The following PALD1 variants were observed in gnomAD, a reference collection of about 807,000 sequenced individuals.
PALD1 encodes the protein paladin.
A neutral mutation model predicts 96.0 loss-of-function variants in PALD1; 57 were observed. The observed-to-expected ratio is 0.59, with a 90% CI of 0.48 to 0.74. The LOEUF is 0.74. Among genes scored for constraint, PALD1 ranks in the 30% least tolerant of loss-of-function variants. The pLI is 0.00. For missense variants in PALD1, 1,063 were observed against 1,143.7 expected, an observed-to-expected ratio of 0.93 and a Z score of 1.02; for synonymous variants, 464 against 473.6, an observed-to-expected ratio of 0.98 and a Z score of 0.26.
At chr10:70,496,358 G>T (rs1846194941) in intron 1 of PALD1, among the ~76,000 whole-genome samples, 1 of 152,184 alleles carries the variant, frequency 6.6e-6, no homozygotes, top group South Asian at 2.1e-4. Context: ...TCCCTACCCA[G>T]ATCAAGGTGT....
At chr10:70,526,226 C>T (rs1239777368) in intron 2 of PALD1, 90 bp downstream of exon 2, 31 of 1,035,236 alleles carry the variant, frequency 3.0e-5, no homozygotes, top group East Asian at 1.4e-4. Flanking sequence ...CAGCACTTAA[C>T]GCTTGCAGAC....
chr10:70,483,223 G>C (rs1051598963), intron 1 of PALD1, among the ~76,000 whole-genome samples: 1 of 152,074 alleles, frequency 6.6e-6, no homozygotes, highest in Non-Finnish European at 1.5e-5. Context: ...GGAGGGCAAG[G>C]CTTCCCCAGC....
chr10:70,481,948 C>T (rs1845939674), intron 1 of PALD1, among the ~76,000 whole-genome samples: 1 of 152,162 alleles, frequency 6.6e-6, no homozygotes, highest in African/African-American at 2.4e-5. Flanking sequence ...AGAGTGGGGT[C>T]AGTAACCTCT....
At chr10:70,544,863 T>A (rs1275362166) in intron 17 of PALD1, among the ~76,000 whole-genome samples, 3 of 152,310 alleles carry the variant, frequency 2.0e-5, no homozygotes, top group African/African-American at 7.2e-5. Flanking sequence ...TCCAGACTGT[T>A]CCTTTTTCTC....
intron 18 of PALD1, among the ~76,000 whole-genome samples, chr10:70,562,845 A>G (rs537794139): frequency 6.6e-6 from 1 of 151,964 alleles, no homozygotes; most frequent in East Asian, 1.9e-4. Context: ...CTGGCTGTGC[A>G]TGTCCTGGGC....
At chr10:70,547,630 G>A (rs569036354) in intron 18 of PALD1, among the ~76,000 whole-genome samples, 184 bp downstream of exon 18, 346 of 152,214 alleles carry the variant, frequency 2.3e-3, no homozygotes, top group African/African-American at 7.0e-3. Flanking sequence ...CCCCAGCCCC[G>A]ACCCACTGGT....
Position 70,538,904 on chromosome 10 carries a change from C to G in PALD1, c.1465C>G (p.Leu489Val). 6.2e-7 allele frequency: 1 copy of G among 1,613,314 alleles called. No individual in the cohort carries two copies. Among genetic ancestry groups the G allele is most frequent in the South Asian group, 1.1e-5 (1 of 91,076 alleles). The change falls in exon 13 of 20, where the codon CTG becomes GTG. Residue 489 changes from leucine (L) to valine (V), a missense_variant. Leu to Val is a conservative substitution (Grantham distance 32, BLOSUM62 1). Transcript: ENST00000263563. ...IARGSLREDD[L>V]VSPDALSTVR... ...GCTCTCCCCACAGCGGGAGGACGATCTGGTCTCCCCGGACGCGCTCAGCAC... is the reference window on the plus strand; with the variant it reads ...GCTCTCCCCACAGCGGGAGGACGATGTGGTCTCCCCGGACGCGCTCAGCAC...
chr10:70,462,689 G>C, the PALD1 span, among the ~76,000 whole-genome samples: 1 of 152,246 alleles, frequency 6.6e-6, no homozygotes, highest in Non-Finnish European at 1.5e-5. Flanking sequence ...CAGATGCCTT[G>C]TGCCCCCCTG....
chr10:70,547,249 T>G, intron 17 of PALD1, 57 bp from the exon 18 acceptor site: 1 of 1,561,368 alleles, frequency 6.4e-7, no homozygotes, highest in East Asian at 2.2e-5. Flanking sequence ...AGCCTGGTGC[T>G]TGGGCTGAGG....
chr10:70,549,397 G>C (rs1215972692), intron 18 of PALD1, among the ~76,000 whole-genome samples: 1 of 152,236 alleles, frequency 6.6e-6, no homozygotes, highest in Non-Finnish European at 1.5e-5. Flanking sequence ...CTGTTAGAGA[G>C]CCCCTACCTC....
At chr10:70,555,534 C>A (rs1457298782) in intron 18 of PALD1, among the ~76,000 whole-genome samples, 1 of 152,208 alleles carries the variant, frequency 6.6e-6, no homozygotes, top group Non-Finnish European at 1.5e-5. Flanking sequence ...AAGCTGCCAG[C>A]CGCTACTGTG....
At chr10:70,496,318 A>G (rs1267751225) in intron 1 of PALD1, among the ~76,000 whole-genome samples, 2 of 150,518 alleles carry the variant, frequency 1.3e-5, no homozygotes, top group East Asian at 3.9e-4. Context: ...GCATAGCTTG[A>G]TGAATTGCTA....
intron 17 of PALD1, among the ~76,000 whole-genome samples, chr10:70,543,019 C>A (rs555410975): frequency 2.0e-5 from 3 of 151,186 alleles, no homozygotes; most frequent in Non-Finnish European, 4.4e-5. Flanking sequence ...ATGATCCACC[C>A]GCCTCGGCCT....
intron 18 of PALD1, among the ~76,000 whole-genome samples, chr10:70,561,909 C>G (rs1044024500): frequency 6.6e-6 from 1 of 152,216 alleles, no homozygotes; most frequent in African/African-American, 2.4e-5. Flanking sequence ...GAGCCTGCAG[C>G]TGCTGTGGCT....
Position 70,539,312 on chromosome 10 carries a change from C to G in PALD1, c.1725+65C>G. The G allele has an allele frequency of 6.8e-7, 1 of 1,470,038 alleles. No homozygotes were observed. The highest frequency in any genetic ancestry group is 2.1e-5 in the Admixed American group (1 of 48,286). The allele number at this position is 1,470,038 out of a possible 1,614,324, so 91.1% of individuals were successfully genotyped here. Reference sequence around the variant, plus strand: ...CTTCTGGGGAGTGGCCTGGGAGGGTCTTCAGAAGGCCTCACACTCCCGCAG... The same window carrying G: ...CTTCTGGGGAGTGGCCTGGGAGGGTGTTCAGAAGGCCTCACACTCCCGCAG... On this transcript the variant is annotated intron_variant, in intron 14 of 19. Transcript: ENST00000263563. The surrounding 1 kb of genome is among the most constrained non-coding windows in gnomAD (Gnocchi z 4.5).
At chr10:70,566,330 A>G (rs1847851750) in intron 19 of PALD1, among the ~76,000 whole-genome samples, 1 of 152,188 alleles carries the variant, frequency 6.6e-6, no homozygotes, top group East Asian at 1.9e-4. Flanking sequence ...CCTCGCTGCT[A>G]TCTGTGTGGA....
intron 1 of PALD1, among the ~76,000 whole-genome samples, chr10:70,495,859 A>G (rs78170573): frequency 1.3e-5 from 2 of 148,824 alleles, no homozygotes; most frequent in Non-Finnish European, 3.0e-5. Context: ...AAAAAAAAAA[A>G]TTAGCCAGCT....
chr10:70,508,784 CGTGTGTGTGTGTGTGTGT>C (rs111850326), intron 1 of PALD1, among the ~76,000 whole-genome samples: 3 of 100,034 alleles, frequency 3.0e-5, no homozygotes, highest in Admixed American at 1.0e-4. Context: ...CTCTGTATGG[CGTGTGTGTGTGTGTGTGT>C]GTGTGTGTGT....
At chr10:70,486,545 G>C (rs1846019094) in intron 1 of PALD1, among the ~76,000 whole-genome samples, 1 of 152,114 alleles carries the variant, frequency 6.6e-6, no homozygotes, top group Admixed American at 6.6e-5. Context: ...CGGATCACTT[G>C]AGGTCAGGAG....
Sources: allele counts gnomAD v4.1 joint callset (sites outside exome capture counted in the v4.1 genomes callset), GRCh38; gene constraint gnomAD v4.1.1; non-coding constraint Gnocchi (gnomAD v3.1); transcripts MANE v1.5; gene names NCBI Gene and HGNC (gene_info 2026-07-23, HGNC 2026-07-21).